Variants in LINGO1 observed in about 807,000 individuals in gnomAD.
LINGO1 encodes the protein leucine-rich repeat and immunoglobulin-like domain-containing nogo receptor-interacting protein 1.
Under a neutral mutation model 37.3 loss-of-function variants are expected in LINGO1, and 11 were observed. That is an observed-to-expected ratio of 0.29 (90% CI 0.19 to 0.49). The LOEUF is 0.49. Ranked by LOEUF, LINGO1 falls within the 20% of genes least tolerant of loss-of-function variation. The pLI, the probability that LINGO1 is intolerant of heterozygous loss-of-function variation, is 0.99. For synonymous variants in LINGO1, 387 were observed against 403.0 expected (o/e 0.96, Z 0.48); for missense variants, 585 against 878.2 (o/e 0.67, Z 4.22).
chr15:77,654,240 T>C (rs2074821779), intron 3 of LINGO1, among the ~76,000 whole-genome samples: 1 of 151,832 alleles, frequency 6.6e-6, no homozygotes, highest in Admixed American at 6.6e-5. Flanking sequence ...TTACCGTGAG[T>C]TGTTTGAAAT....
At chr15:77,713,921 G>A (rs529353301) in intron 2 of LINGO1, among the ~76,000 whole-genome samples, 1 of 152,132 alleles carries the variant, frequency 6.6e-6, no homozygotes, top group South Asian at 2.1e-4. Context: ...TGATCCCAGC[G>A]TCCAGGACTT....
chr15:77,682,633 C>T (rs755549525), intron 2 of LINGO1, among the ~76,000 whole-genome samples: 3 of 152,062 alleles, frequency 2.0e-5, no homozygotes, highest in South Asian at 4.2e-4. Context: ...CACAGTCAGC[C>T]GATTCCTGAA....
At chr15:77,760,257 C>T (rs1026805695) in intron 1 of LINGO1, among the ~76,000 whole-genome samples, 1 of 152,120 alleles carries the variant, frequency 6.6e-6, no homozygotes, top group Non-Finnish European at 1.5e-5. Context: ...TGGAGAGGCT[C>T]AAGGAGGTGG....
intron 3 of LINGO1, among the ~76,000 whole-genome samples, chr15:77,676,375 T>C (rs1380330944): frequency 6.6e-6 from 1 of 152,242 alleles, no homozygotes; most frequent in Admixed American, 6.5e-5. Flanking sequence ...AAGATATATT[T>C]ACACTGAAAA....
intron 1 of LINGO1, among the ~76,000 whole-genome samples, chr15:77,779,605 C>G (rs1027695068): frequency 6.6e-6 from 1 of 152,000 alleles, no homozygotes; most frequent in Non-Finnish European, 1.5e-5. Context: ...ATAGGGTTCT[C>G]GCTCCTATGA....
intron 2 of LINGO1, among the ~76,000 whole-genome samples, chr15:77,721,862 C>G (rs1284773015): frequency 1.3e-5 from 2 of 152,000 alleles, no homozygotes; most frequent in East Asian, 3.9e-4. Context: ...CAGGTAACTT[C>G]CCCTGCCCCC....
chr15:77,662,170 C>T (rs910103005), intron 3 of LINGO1, among the ~76,000 whole-genome samples: 5 of 152,216 alleles, frequency 3.3e-5, no homozygotes, highest in Non-Finnish European at 7.3e-5. Flanking sequence ...TGACCCTGGC[C>T]TACACAGTTC....
chr15:77,702,982 C>A (rs1366350498), intron 2 of LINGO1, among the ~76,000 whole-genome samples: 1 of 152,252 alleles, frequency 6.6e-6, no homozygotes, highest in African/African-American at 2.4e-5. Context: ...ACAGAGGGGA[C>A]TGGAGAGAAC....
chr15:77,654,644 T>C (rs980345650), intron 3 of LINGO1, among the ~76,000 whole-genome samples: 2 of 151,984 alleles, frequency 1.3e-5, no homozygotes, highest in Admixed American at 1.3e-4. Flanking sequence ...GAGGGAGTCA[T>C]GGGAGAGAGA....
chr15:77,735,640 C>T (rs1054359594), intron 1 of LINGO1, among the ~76,000 whole-genome samples: 2 of 152,240 alleles, frequency 1.3e-5, no homozygotes, highest in Admixed American at 1.3e-4. Flanking sequence ...TGTGCAAACA[C>T]AGCTTGCTGG....
rs899263793 is a variant in LINGO1, at chr15:77,691,126, C to T, written c.-280-225G>A. Among the ~76,000 whole-genome samples, 10 of 152,180 alleles carry T rather than the reference C, an allele frequency of 6.6e-5. 1 individual carries two copies. Among genetic ancestry groups the T allele is most frequent in the Admixed American group, 4.6e-4 (7 of 15,284 alleles). On this transcript the variant is annotated intron_variant, in intron 1 of 3. Transcript: ENST00000559893. ...AGCCACCAGTCATATGCGGATATTG[C>T]AATGTGGATAGTGTGATAAAAAAAC...
chr15:77,771,524 T>C (rs1432422507), intron 1 of LINGO1, among the ~76,000 whole-genome samples: 1 of 152,184 alleles, frequency 6.6e-6, no homozygotes, highest in South Asian at 2.1e-4. Context: ...TGAGAGCCAC[T>C]GAATCCCCAG....
chr15:77,789,897 A>T (rs2076804945), upstream of LINGO1, among the ~76,000 whole-genome samples: 1 of 152,050 alleles, frequency 6.6e-6, no homozygotes, highest in South Asian at 2.1e-4. Flanking sequence ...GCAGCCTCCC[A>T]AGTAGCTGGG....
At chr15:77,626,193 C>T (rs532938937) in intron 1 of LINGO1, among the ~76,000 whole-genome samples, 1 of 152,306 alleles carries the variant, frequency 6.6e-6, no homozygotes, top group East Asian at 1.9e-4. Flanking sequence ...GCATCCCAAC[C>T]GCGGCCACTT....
intron 3 of LINGO1, among the ~76,000 whole-genome samples, chr15:77,640,836 TC>T (rs2074488630): frequency 7.3e-6 from 1 of 137,218 alleles, no homozygotes; most frequent in Non-Finnish European, 1.7e-5. Context: ...CCTCATTCAT[TC>T]ATTCATTCAT....
At chr15:77,699,559 C>T (rs550205437), upstream of LINGO1, among the ~76,000 whole-genome samples, 20 of 86,746 alleles carry the variant, frequency 2.3e-4, no homozygotes, top group African/African-American at 5.3e-4. Context: ...ACCATCCCTG[C>T]ACACAGTAAA....
intron 3 of LINGO1, among the ~76,000 whole-genome samples, chr15:77,664,966 C>T (rs1324090588): frequency 6.6e-6 from 1 of 152,190 alleles, no homozygotes; most frequent in Non-Finnish European, 1.5e-5. Context: ...ATACAGAGAT[C>T]TGCATGTGCA....
At chr15:77,783,419 C>T (rs2076740415) in intron 1 of LINGO1, among the ~76,000 whole-genome samples, 1 of 152,164 alleles carries the variant, frequency 6.6e-6, no homozygotes, top group Non-Finnish European at 1.5e-5. Flanking sequence ...TCCCTGCTCC[C>T]AAAGTCTCCT....
chr15:77,768,722 C>T lies in LINGO1; in HGVS notation c.-257+18147G>A, dbSNP rs571564761. On this transcript the variant is annotated intron_variant, in intron 1 of 3. Transcript: ENST00000561686. Reference sequence around the variant, plus strand: ...GTCTCTCTTCCCCTCCTTTGCTCCCCGCCCCTCTCAGCAGCCAAGCCCTGG... The same window carrying T: ...GTCTCTCTTCCCCTCCTTTGCTCCCTGCCCCTCTCAGCAGCCAAGCCCTGG... 3.3e-5 allele frequency among the ~76,000 whole-genome samples: 5 copies of T among 152,272 alleles called. 1 individual carries two copies. The highest frequency in any genetic ancestry group is 2.1e-4 in the South Asian group (1 of 4,826).
Sources: gnomAD v4.1 joint callset for allele counts (sites outside exome capture counted in the v4.1 genomes callset) on GRCh38, gnomAD v4.1.1 for gene constraint, MANE v1.5 for transcripts, NCBI Gene and HGNC (gene_info 2026-07-23, HGNC 2026-07-21) for gene names.